TMEM114: variants seen among roughly 807,000 people sequenced by gnomAD.
TMEM114 encodes claudin-26.
A neutral mutation model predicts 6.2 loss-of-function variants in TMEM114; 6 were observed. That is an observed-to-expected ratio of 0.97 (90% CI 0.53 to 1.91). The LOEUF (loss-of-function observed/expected upper bound fraction) is 1.91, where lower values mean the gene tolerates loss of function less well. Among genes scored for constraint, TMEM114 ranks in the 40% most tolerant of loss-of-function variants. The probability of loss-of-function intolerance (pLI) is 0.01; values close to 1 mark genes in which losing one functional copy is unlikely to be tolerated. For missense variants in TMEM114, 218 were observed against 158.3 expected (o/e 1.38, Z -2.02); for synonymous variants, 104 against 73.0 (o/e 1.42, Z -2.16).
chr16:8,575,932 G>A (rs1331106970), intron 2 of TMEM114, among the ~76,000 whole-genome samples: 1 of 152,158 alleles, frequency 6.6e-6, no homozygotes, highest in Non-Finnish European at 1.5e-5. Context: ...TCATCAACAA[G>A]CCTCTAATGA....
chr16:8,582,876 G>A (rs1200803483), intron 2 of TMEM114, among the ~76,000 whole-genome samples: 1 of 152,076 alleles, frequency 6.6e-6, no homozygotes, highest in Non-Finnish European at 1.5e-5. Context: ...TCCAGCCTGG[G>A]CAACAGAGTG....
intron 2 of TMEM114, among the ~76,000 whole-genome samples, chr16:8,562,985 G>C (rs28972432): frequency 1.7e-5 from 1 of 59,080 alleles, no homozygotes; most frequent in Non-Finnish European, 3.7e-5. Context: ...ATGGAGGGAA[G>C]GAGTGAGTGA....
intron 2 of TMEM114, among the ~76,000 whole-genome samples, chr16:8,538,015 G>C (rs1360248730): frequency 1.3e-5 from 2 of 151,174 alleles, no homozygotes; most frequent in Non-Finnish European, 2.9e-5. Context: ...TTTTTGCCCT[G>C]AGACTGGGCG....
downstream of TMEM114, among the ~76,000 whole-genome samples, chr16:8,536,792 T>A (rs1206110753): frequency 6.6e-6 from 1 of 152,164 alleles, no homozygotes; most frequent in African/African-American, 2.4e-5. Flanking sequence ...CTGTTCATGG[T>A]CTAATTATCC....
rs548326982 is a variant in TMEM114, at chr16:8,569,535, G to A, written c.*238C>T. The A allele has an allele frequency of 6.4e-6, 9 of 1,397,772 alleles. No homozygotes were observed. Among genetic ancestry groups the A allele is most frequent in the South Asian group, 1.7e-5 (1 of 59,048 alleles). 86.6% of individuals were successfully genotyped at this position (1,397,772 alleles called of 1,614,324 possible). ...GGATCGTTTTTATTTCTCGCGAAGCGGTTTGGCACTCCCTCGGGCTCCTCC... is the reference window on the plus strand; with the variant it reads ...GGATCGTTTTTATTTCTCGCGAAGCAGTTTGGCACTCCCTCGGGCTCCTCC... On this transcript the variant is annotated 3_prime_UTR_variant, in exon 4 of 4. Coordinates refer to ENST00000620492, the MANE Select transcript of TMEM114 (RefSeq NM_001146336.2).
At chr16:8,563,638 T>C (rs1317737375) in intron 2 of TMEM114, among the ~76,000 whole-genome samples, 2 of 144,124 alleles carry the variant, frequency 1.4e-5, no homozygotes, top group African/African-American at 5.7e-5. Flanking sequence ...AGTGAATGAG[T>C]AAATGAGTGA....
At chr16:8,531,005 C>T in the TMEM114 span, among the ~76,000 whole-genome samples, 1 of 151,748 alleles carries the variant, frequency 6.6e-6, no homozygotes, top group East Asian at 1.9e-4. Flanking sequence ...GTCCAAGCAG[C>T]AGAGTGAGAC....
intron 2 of TMEM114, among the ~76,000 whole-genome samples, chr16:8,564,108 A>ATAAGTAAGTGAATGAGTGAGGAC (rs1901416030): frequency 6.6e-6 from 1 of 150,792 alleles, no homozygotes; most frequent in Admixed American, 6.6e-5. Flanking sequence ...TGAGTGAGGA[A>ATAAGTAAGTGAATGAGTGAGGAC]ATAAGTAAGT....
intron 2 of TMEM114, among the ~76,000 whole-genome samples, chr16:8,550,095 C>T (rs747390576): frequency 6.6e-6 from 1 of 152,198 alleles, no homozygotes; most frequent in Non-Finnish European, 1.5e-5. Context: ...AAGCATCCAT[C>T]ATGGGAGAAA....
At position 8,569,641 on chromosome 16, in the gene TMEM114, G is replaced by C. The variant is rs114079952; in HGVS notation, c.*132C>G. 455 of 1,439,280 alleles carry C rather than the reference G, an allele frequency of 3.2e-4. 1 individual carries two copies. The African/African-American group carries it at 5.2e-3, about 17-fold the overall frequency. 89.2% of individuals were successfully genotyped at this position (1,439,280 alleles called of 1,614,324 possible). On this transcript the variant is annotated 3_prime_UTR_variant, in exon 4 of 4. Transcript: ENST00000620492. ...CCCCAAGCTTAGTCCGCGGGGATTT[G>C]TGGGGGAAGGAGGGGGGTGCCTGGC...
chr16:8,564,913 GTGAC>G (rs1437968571), downstream of TMEM114, among the ~76,000 whole-genome samples: 5 of 148,548 alleles, frequency 3.4e-5, no homozygotes, highest in Admixed American at 6.7e-5. Flanking sequence ...GAGTGAATGA[GTGAC>G]TGAGTGAGGG....
intron 2 of TMEM114, among the ~76,000 whole-genome samples, chr16:8,550,684 ACAAAAAAAAAAAAAC>A (rs1273290251): frequency 0.02 from 1,451 of 72,780 alleles, 20 homozygotes; most frequent in African/African-American, 0.077. Flanking sequence ...GTCAAAAAAA[ACAAAAAAAAAAAAAC>A]CAAAAAAAAA....
At chr16:8,535,381 GGA>G (rs1307028710), downstream of TMEM114, among the ~76,000 whole-genome samples, 1 of 151,836 alleles carries the variant, frequency 6.6e-6, no homozygotes, top group Non-Finnish European at 1.5e-5. Flanking sequence ...TAGATCTCCA[GGA>G]ACCAGGGTAC....
chr16:8,589,404 C>G, intron 1 of TMEM114, 111 bp from the exon 2 acceptor site: 1 of 398,432 alleles, frequency 2.5e-6, no homozygotes, highest in Non-Finnish European at 4.4e-6. Context: ...GGGGAGGGCG[C>G]GGGGAGAGCT....
chr16:8,554,466 T>C (rs1900944617), intron 2 of TMEM114, among the ~76,000 whole-genome samples: 1 of 152,132 alleles, frequency 6.6e-6, no homozygotes, highest in African/African-American at 2.4e-5. Flanking sequence ...ATCTCCTTCT[T>C]GACCTCTCAT....
chr16:8,588,827 C>T (rs1224429264), intron 2 of TMEM114, among the ~76,000 whole-genome samples: 1 of 152,232 alleles, frequency 6.6e-6, no homozygotes, highest in Non-Finnish European at 1.5e-5. Context: ...CATTCACCTC[C>T]CGAGGCTAAT....
chr16:8,570,016 G>C lies in TMEM114; in HGVS notation c.440-11C>G, dbSNP rs1205223758. 2.6e-6 allele frequency: 4 copies of C among 1,544,554 alleles called. No individual in the cohort carries two copies. The highest frequency in any genetic ancestry group is 2.0e-5 in the Admixed American group (1 of 50,818). On this transcript the variant is annotated splice_polypyrimidine_tract_variant and intron_variant, in intron 3 of 3. Transcript: ENST00000620492. ...CGAGGGTCACCATGGCTGCAGGGAG[G>C]GCAAAGGGAGAGCAGATCAATCCCC... is the stretch of plus-strand genomic sequence containing the variant.
At chr16:8,555,364 A>C (rs1312560063) in intron 2 of TMEM114, among the ~76,000 whole-genome samples, 1 of 152,232 alleles carries the variant, frequency 6.6e-6, no homozygotes, top group African/African-American at 2.4e-5. Flanking sequence ...ATGTGCTAAG[A>C]GTAGCAGCTC....
At chr16:8,555,639 T>G (rs1900985864) in intron 2 of TMEM114, among the ~76,000 whole-genome samples, 1 of 152,152 alleles carries the variant, frequency 6.6e-6, no homozygotes, top group Admixed American at 6.5e-5. Context: ...GCTGCCTATC[T>G]CACTATTGTT....
Sources: allele counts gnomAD v4.1 joint callset (sites outside exome capture counted in the v4.1 genomes callset), GRCh38; gene constraint gnomAD v4.1.1; transcripts MANE v1.5; gene names NCBI Gene and HGNC (gene_info 2026-07-23, HGNC 2026-07-21).